GRIK4: variants seen among roughly 807,000 people sequenced by gnomAD.
GRIK4 encodes the protein glutamate ionotropic receptor kainate type subunit 4, also known as glutamate receptor ionotropic, kainate 4.
GRIK4 carries 40 observed loss-of-function variants against 104.9 expected under a neutral mutation model. The ratio of observed to expected loss-of-function variants is 0.38; its 90% CI spans 0.30 to 0.50. The LOEUF (loss-of-function observed/expected upper bound fraction) is 0.50, where lower values mean the gene tolerates loss of function less well. Among genes scored for constraint, GRIK4 ranks in the 20% least tolerant of loss-of-function variants. The pLI, the probability that GRIK4 is intolerant of heterozygous loss-of-function variation, is 0.93. For missense variants in GRIK4, 1,047 were observed against 1,308.1 expected (o/e 0.80, Z 3.08); for synonymous variants, 485 against 524.9 (o/e 0.92, Z 1.04).
At chr11:120,778,289 A>G (rs1055118800) in intron 3 of GRIK4, among the ~76,000 whole-genome samples, 2 of 152,194 alleles carry the variant, frequency 1.3e-5, no homozygotes, top group Non-Finnish European at 2.9e-5. Flanking sequence ...AGTGTCTTTG[A>G]GAGACAGGAT....
intron 1 of GRIK4, among the ~76,000 whole-genome samples, chr11:120,641,834 A>G (rs919079404): frequency 6.6e-6 from 1 of 152,214 alleles, no homozygotes; most frequent in African/African-American, 2.4e-5. Context: ...AATGCAGCCC[A>G]GTAGGTCTCA....
chr11:120,906,027 C>T (rs538448223), intron 13 of GRIK4, among the ~76,000 whole-genome samples: 8 of 152,186 alleles, frequency 5.3e-5, no homozygotes, highest in South Asian at 2.1e-4. Context: ...TTTTACAGAC[C>T]GAGGGCCAAG....
chr11:120,550,547 G>A (rs1369381291), intron 1 of GRIK4, among the ~76,000 whole-genome samples: 1 of 152,104 alleles, frequency 6.6e-6, no homozygotes, highest in Non-Finnish European at 1.5e-5. Context: ...AGATATTGAG[G>A]AGGGGCAGAG....
At chr11:120,655,868 G>A (rs968310799) in intron 2 of GRIK4, among the ~76,000 whole-genome samples, 3 of 152,110 alleles carry the variant, frequency 2.0e-5, no homozygotes, top group African/African-American at 7.2e-5. Flanking sequence ...TGGAGACTAC[G>A]CCTTCTTTTT....
At chr11:120,583,140 AT>A (rs1310228860) in intron 1 of GRIK4, among the ~76,000 whole-genome samples, 1 of 152,168 alleles carries the variant, frequency 6.6e-6, no homozygotes, top group African/African-American at 2.4e-5. Context: ...TGTTGGCCAC[AT>A]ATATGTCTTC....
At chr11:120,704,491 A>G (rs1950598538) in intron 3 of GRIK4, among the ~76,000 whole-genome samples, 1 of 152,198 alleles carries the variant, frequency 6.6e-6, no homozygotes, top group Non-Finnish European at 1.5e-5. Context: ...TCAGCTTCGA[A>G]GCCTGCACGT....
intron 13 of GRIK4, among the ~76,000 whole-genome samples, chr11:120,916,733 G>C (rs954092814): frequency 6.6e-6 from 1 of 152,136 alleles, no homozygotes; most frequent in Non-Finnish European, 1.5e-5. Flanking sequence ...TTACCTTCAG[G>C]CTACGTGTCT....
chr11:120,610,522 A>T (rs1285096260), intron 1 of GRIK4, among the ~76,000 whole-genome samples: 1 of 152,146 alleles, frequency 6.6e-6, no homozygotes, highest in Non-Finnish European at 1.5e-5. Context: ...GAGCTCTCTC[A>T]CCTGTCCTGG....
chr11:120,565,225 G>A (rs189424408), intron 1 of GRIK4, among the ~76,000 whole-genome samples: 91 of 152,322 alleles, frequency 6.0e-4, no homozygotes, highest in Admixed American at 4.8e-3. Context: ...CTGCCATGTC[G>A]CCACCGGCTG....
chr11:120,649,136 GTC>G (rs1383796766), intron 1 of GRIK4, among the ~76,000 whole-genome samples: 1 of 152,156 alleles, frequency 6.6e-6, no homozygotes. Flanking sequence ...AGTGGCATAG[GTC>G]TCCGAACCTT....
chr11:120,821,230 G>A lies in GRIK4; in HGVS notation c.511+1310G>A, dbSNP rs544296962. 2.3e-4 allele frequency among the ~76,000 whole-genome samples: 35 copies of A among 152,368 alleles called. No individual in the cohort carries two copies. The South Asian group carries it at 6.6e-3, about 29-fold the overall frequency. On this transcript the variant is annotated intron_variant, in intron 6 of 20. Transcript: ENST00000527524. ...AAGTGTCAAATGTGCAATGTGGCCA[G>A]TCGAGGAGAGTGTCCCTGAGTACAG...
At chr11:120,515,001 C>T (rs1239695930) in intron 1 of GRIK4, 1 of 456,620 alleles carries the variant, frequency 2.2e-6, no homozygotes, top group African/African-American at 2.0e-5. Context: ...ACGCTTCTCA[C>T]AGGGGACCCT....
chr11:120,966,723 T>C (rs1944390342), intron 18 of GRIK4, among the ~76,000 whole-genome samples: 1 of 152,018 alleles, frequency 6.6e-6, no homozygotes. Flanking sequence ...GACTAAAAGG[T>C]TTGTGTCACA....
In GRIK4 at chr11:120,857,227, C is replaced by T. The variant is rs572881515; in HGVS notation, c.745-4732C>T. ...GCCTGTCCTTGCTCCCTGGCCCAGG[C>T]GATGAACAGGCTGTAGACCCATAAA... On this transcript the variant is annotated intron_variant, in intron 8 of 20. Transcript: ENST00000527524. 6.4e-4 allele frequency among the ~76,000 whole-genome samples: 97 copies of T among 152,276 alleles called. 1 individual carries two copies. The highest frequency in any genetic ancestry group is 2.0e-3 in the African/African-American group (85 of 41,562).
intron 6 of GRIK4, among the ~76,000 whole-genome samples, chr11:120,822,784 T>A (rs1461011462): frequency 6.6e-6 from 1 of 152,204 alleles, no homozygotes; most frequent in Admixed American, 6.5e-5. Flanking sequence ...TTCTATTTCC[T>A]CCTAGTGGAG....
intron 5 of GRIK4, among the ~76,000 whole-genome samples, chr11:120,817,101 C>G (rs1301932595): frequency 6.6e-6 from 1 of 152,082 alleles, no homozygotes; most frequent in African/African-American, 2.4e-5. Context: ...ACTTCAGCTC[C>G]CCATCTTCTC....
At chr11:120,980,462 A>G (rs989865968) in intron 19 of GRIK4, among the ~76,000 whole-genome samples, 7 of 151,906 alleles carry the variant, frequency 4.6e-5, no homozygotes, top group African/African-American at 1.7e-4. Context: ...TTCATCCCCT[A>G]CTTCTTGTGG....
chr11:120,830,096 C>G (rs935783170), intron 6 of GRIK4, among the ~76,000 whole-genome samples: 7 of 151,696 alleles, frequency 4.6e-5, no homozygotes, highest in African/African-American at 1.7e-4. Flanking sequence ...AAACAGGTGA[C>G]AGGAAGACGG....
chr11:120,527,283 C>G (rs570930632), intron 1 of GRIK4, among the ~76,000 whole-genome samples: 1 of 152,218 alleles, frequency 6.6e-6, no homozygotes, highest in African/African-American at 2.4e-5. Flanking sequence ...AGCCTCAGCT[C>G]CCTGCGGCCC....
Sources: allele counts gnomAD v4.1 joint callset (sites outside exome capture counted in the v4.1 genomes callset), GRCh38; gene constraint gnomAD v4.1.1; transcripts MANE v1.5; gene names NCBI Gene and HGNC (gene_info 2026-07-23, HGNC 2026-07-21).